The following RGS6 variants were observed in gnomAD, a reference collection of about 807,000 sequenced individuals.
RGS6 encodes the protein regulator of G protein signaling 6.
RGS6 carries 30 observed loss-of-function variants against 78.5 expected under a neutral mutation model. The ratio of observed to expected loss-of-function variants is 0.38; its 90% confidence interval spans 0.29 to 0.52. The LOEUF (loss-of-function observed/expected upper bound fraction) is 0.52. Among genes scored for constraint, RGS6 ranks in the 20% least tolerant of loss-of-function variants. RGS6 has a pLI of 0.85. For missense variants in RGS6, 495 were observed against 609.7 expected, an observed-to-expected ratio of 0.81 and a Z score of 1.98; for synonymous variants, 206 against 206.0, an observed-to-expected ratio of 1.00 and a Z score of 0.00.
At chr14:72,334,353 G>T (rs1343454525) in intron 2 of RGS6, among the ~76,000 whole-genome samples, 6 of 152,182 alleles carry the variant, frequency 3.9e-5, no homozygotes, top group Non-Finnish European at 5.9e-5. Context: ...CTCGTTTGAC[G>T]CCTACAAAAA....
intron 2 of RGS6, among the ~76,000 whole-genome samples, chr14:71,979,168 G>T (rs1233295842): frequency 1.4e-5 from 2 of 145,790 alleles, no homozygotes; most frequent in African/African-American, 5.1e-5. Flanking sequence ...TTCTTTATTA[G>T]TCTTGCTAGC....
intron 2 of RGS6, among the ~76,000 whole-genome samples, chr14:72,339,832 G>A (rs1361883269): frequency 6.6e-6 from 1 of 152,172 alleles, no homozygotes; most frequent in Non-Finnish European, 1.5e-5. Flanking sequence ...TTGCTGCTGG[G>A]TCTCAGGCAA....
At chr14:72,106,477 C>G (rs2095635304) in intron 2 of RGS6, among the ~76,000 whole-genome samples, 1 of 152,162 alleles carries the variant, frequency 6.6e-6, no homozygotes, top group Non-Finnish European at 1.5e-5. Context: ...GAGGTGGACA[C>G]TTTGAAACCA....
the RGS6 span, among the ~76,000 whole-genome samples, chr14:72,594,141 TTTG>T: frequency 6.6e-6 from 1 of 152,144 alleles, no homozygotes; most frequent in African/African-American, 2.4e-5. Flanking sequence ...GGTAAGTATT[TTTG>T]ACCCTTACTT....
intron 9 of RGS6, among the ~76,000 whole-genome samples, chr14:72,473,677 C>T (rs1354892115): frequency 1.3e-5 from 2 of 152,158 alleles, no homozygotes; most frequent in Admixed American, 1.3e-4. Context: ...TGAATTAGCG[C>T]ACATTGAAGC....
chr14:72,053,212 C>T (rs1433980900), intron 2 of RGS6, among the ~76,000 whole-genome samples: 6 of 147,876 alleles, frequency 4.1e-5, no homozygotes, highest in African/African-American at 1.5e-4. Context: ...CTCCACCTCC[C>T]AGGTTCGAGC....
chr14:72,332,094 C>T (rs1428841582), intron 2 of RGS6, among the ~76,000 whole-genome samples: 4 of 152,144 alleles, frequency 2.6e-5, no homozygotes, highest in African/African-American at 9.7e-5. Flanking sequence ...CTGTTGAGCC[C>T]AAGTTCCTTA....
the RGS6 span, among the ~76,000 whole-genome samples, chr14:72,581,643 C>T: frequency 6.6e-6 from 1 of 152,202 alleles, no homozygotes; most frequent in Non-Finnish European, 1.5e-5. Flanking sequence ...CCCTGGTGTC[C>T]CAGTGATTCT....
chr14:71,952,884 C>T (rs1406263113), intron 1 of RGS6, among the ~76,000 whole-genome samples: 1 of 152,068 alleles, frequency 6.6e-6, no homozygotes, highest in African/African-American at 2.4e-5. Flanking sequence ...AAAGAAAAAG[C>T]CAATAGGAGT....
intron 2 of RGS6, among the ~76,000 whole-genome samples, chr14:72,217,960 C>T (rs2045973243): frequency 6.6e-6 from 1 of 152,084 alleles, no homozygotes; most frequent in African/African-American, 2.4e-5. Flanking sequence ...CTTGAAAATG[C>T]AGCTTAAAAC....
chr14:72,414,999 C>T (rs1294371955), intron 3 of RGS6, among the ~76,000 whole-genome samples: 1 of 152,218 alleles, frequency 6.6e-6, no homozygotes, highest in Non-Finnish European at 1.5e-5. Flanking sequence ...ACTCGGGGGT[C>T]AGGGACCCAC....
chr14:72,007,681 C>T (rs547740634), intron 2 of RGS6, among the ~76,000 whole-genome samples: 5 of 152,266 alleles, frequency 3.3e-5, no homozygotes, highest in South Asian at 4.1e-4. Context: ...CACCCTTGGA[C>T]GAAGGGCTTG....
chr14:71,885,949 TTC>T, the RGS6 span, among the ~76,000 whole-genome samples: 1 of 151,500 alleles, frequency 6.6e-6, no homozygotes, highest in Admixed American at 6.6e-5. Flanking sequence ...CTTCTCTTTT[TTC>T]TCTTTCTTTT....
chr14:72,148,898 A>G (rs1209192662), intron 2 of RGS6, among the ~76,000 whole-genome samples: 4 of 152,266 alleles, frequency 2.6e-5, no homozygotes, highest in Admixed American at 1.3e-4. Flanking sequence ...GAAGTAGAGC[A>G]TTCCAGTTAT....
At chr14:71,972,976 A>T (rs1182701033) in intron 2 of RGS6, among the ~76,000 whole-genome samples, 1 of 152,176 alleles carries the variant, frequency 6.6e-6, no homozygotes, top group East Asian at 1.9e-4. Context: ...TCTTCCCTGT[A>T]TGTAGATAAA....
chr14:72,366,502 C>T lies in RGS6; in HGVS notation c.184+14308C>T, dbSNP rs192279945. On this transcript the variant is annotated intron_variant, in intron 3 of 17. Coordinates refer to ENST00000553525, the MANE Select transcript of RGS6 (RefSeq NM_001204424.2). ...AGAGAATTGGAGAGAGAAGGAAATA[C>T]GGAAGAAAGAAGAACCCAACATCAG... Among the ~76,000 whole-genome samples the T allele has an allele frequency of 2.3e-4, 35 of 152,162 alleles. No individual in the cohort carries two copies. In the East Asian group the frequency reaches 4.8e-3, roughly 21 times the overall value.
Position 72,112,587 on chromosome 14 carries a change from T to C in RGS6, c.84+147712T>C, listed in dbSNP as rs1294888733. Among the ~76,000 whole-genome samples the C allele has an allele frequency of 2.0e-5, 3 of 152,204 alleles. No individual in the cohort carries two copies. The East Asian group carries it at 5.8e-4, about 29-fold the overall frequency. On this transcript the variant is annotated intron_variant, in intron 2 of 17. Transcript: ENST00000553525. The stretch of plus-strand genomic sequence containing the variant: ...GGTCCAACGATAATTACAATAAGAA[T>C]CGTTTATTTGTTTCTTAGAAACTGA...
chr14:72,570,772 G>A (rs111653579), downstream of RGS6, among the ~76,000 whole-genome samples: 1,824 of 152,312 alleles, frequency 0.012, 29 homozygotes, highest in Non-Finnish European at 0.017. Flanking sequence ...TCCCCTCAGC[G>A]AGAGATCTAA....
Position 72,178,425 on chromosome 14 carries a change from C to G in RGS6, c.85-173670C>G, listed in dbSNP as rs562715148. The stretch of plus-strand genomic sequence containing the variant: ...CCAGTCTTTCCTGATCTCCTCCTAT[C>G]CTGAGACGTTCTAGGCCTCCTTGAG... On this transcript the variant is annotated intron_variant, in intron 2 of 17. Coordinates refer to ENST00000553525, the MANE Select transcript of RGS6 (RefSeq NM_001204424.2). 1.4e-4 allele frequency among the ~76,000 whole-genome samples: 21 copies of G among 152,356 alleles called. No individual in the cohort carries two copies. The East Asian group carries it at 3.7e-3, about 27-fold the overall frequency.
Sources: gnomAD v4.1 joint callset for allele counts (sites outside exome capture counted in the v4.1 genomes callset) on GRCh38, gnomAD v4.1.1 for gene constraint, MANE v1.5 for transcripts, NCBI Gene and HGNC (gene_info 2026-07-23, HGNC 2026-07-21) for gene names.